WWOX: variants seen among roughly 807,000 people sequenced by gnomAD.
The protein encoded by WWOX is WW domain containing oxidoreductase.
Under a neutral mutation model 46.2 loss-of-function variants are expected in WWOX, and 69 were observed. The observed-to-expected ratio is 1.49, with a 90% CI of 1.23 to 1.82. The LOEUF is 1.82. WWOX is among the 40% of genes most tolerant of loss of function. The pLI, the probability that WWOX is intolerant of heterozygous loss-of-function variation, is 0.00. For missense variants in WWOX, 919 were observed against 542.6 expected (o/e 1.69, Z -6.89); for synonymous variants, 359 against 202.6 (o/e 1.77, Z -6.56).
At chr16:78,654,631 A>G (rs1283571090) in intron 8 of WWOX, among the ~76,000 whole-genome samples, 1 of 151,948 alleles carries the variant, frequency 6.6e-6, no homozygotes, top group East Asian at 1.9e-4. Context: ...CTACCTATCT[A>G]TACCTTTCTC....
chr16:78,853,674 C>A (rs2052502847), intron 8 of WWOX, among the ~76,000 whole-genome samples: 1 of 152,046 alleles, frequency 6.6e-6, no homozygotes, highest in Admixed American at 6.5e-5. Context: ...ATAAATACTT[C>A]TAAAGTAATG....
At chr16:78,706,822 G>A (rs962236593) in intron 8 of WWOX, among the ~76,000 whole-genome samples, 1 of 151,978 alleles carries the variant, frequency 6.6e-6, no homozygotes, top group Non-Finnish European at 1.5e-5. Context: ...TTTGGAGACA[G>A]ATCTCACTTT....
chr16:78,797,171 T>A (rs2050760861), intron 8 of WWOX, among the ~76,000 whole-genome samples: 1 of 152,046 alleles, frequency 6.6e-6, no homozygotes, highest in South Asian at 2.1e-4. Context: ...ACCTGCCCTG[T>A]CTGCCTCATT....
At chr16:78,387,894 C>G (rs986130382) in intron 6 of WWOX, among the ~76,000 whole-genome samples, 1 of 152,034 alleles carries the variant, frequency 6.6e-6, no homozygotes, top group African/African-American at 2.4e-5. Context: ...ATGTGGAGAG[C>G]TCTCATAAAT....
At chr16:78,864,986 C>G (rs1415226828) in intron 8 of WWOX, among the ~76,000 whole-genome samples, 3 of 151,940 alleles carry the variant, frequency 2.0e-5, no homozygotes, top group Admixed American at 2.0e-4. Flanking sequence ...TGGTCTTGAA[C>G]TCCTGACCTC....
intron 8 of WWOX, among the ~76,000 whole-genome samples, chr16:78,544,840 A>G (rs149217786): frequency 0.013 from 2,016 of 152,188 alleles, 21 homozygotes; most frequent in Middle Eastern, 0.068. Context: ...GCTCCACTGC[A>G]CTCTAGCATG....
chr16:78,837,637 T>A (rs1457573522), intron 8 of WWOX, among the ~76,000 whole-genome samples: 4 of 152,192 alleles, frequency 2.6e-5, no homozygotes, highest in Admixed American at 1.3e-4. Flanking sequence ...AGAAACTGTT[T>A]ATTGGTGAAC....
chr16:78,635,795 A>C (rs1337886281), intron 8 of WWOX, among the ~76,000 whole-genome samples: 1 of 152,140 alleles, frequency 6.6e-6, no homozygotes, highest in Admixed American at 6.5e-5. Context: ...ATGTTGGAAA[A>C]ACAGCTAGTG....
intron 8 of WWOX, among the ~76,000 whole-genome samples, chr16:78,668,915 C>T (rs780145328): frequency 2.6e-5 from 4 of 152,024 alleles, no homozygotes; most frequent in Non-Finnish European, 4.4e-5. Flanking sequence ...ATAGGGTATG[C>T]GAACCTCTTC....
chr16:79,190,033 T>G (rs1004036597), intron 8 of WWOX, among the ~76,000 whole-genome samples: 1 of 152,092 alleles, frequency 6.6e-6, no homozygotes, highest in Middle Eastern at 3.2e-3. Context: ...GTTTTTTAAT[T>G]ATTATTATTA....
intron 8 of WWOX, among the ~76,000 whole-genome samples, chr16:79,120,536 G>A (rs2049608047): frequency 6.6e-6 from 1 of 152,154 alleles, no homozygotes; most frequent in Non-Finnish European, 1.5e-5. Flanking sequence ...TGTAATAACG[G>A]CAAACTGAGT....
At chr16:78,502,205 A>G (rs759640177) in intron 8 of WWOX, among the ~76,000 whole-genome samples, 7 of 152,148 alleles carry the variant, frequency 4.6e-5, no homozygotes, top group Admixed American at 1.3e-4. Flanking sequence ...TAATGTGCCT[A>G]CCATATAATT....
At chr16:78,358,351 T>C (rs1267205239) in intron 5 of WWOX, among the ~76,000 whole-genome samples, 1 of 152,182 alleles carries the variant, frequency 6.6e-6, no homozygotes, top group East Asian at 1.9e-4. Context: ...AGTAATAAAG[T>C]CAATGTTGTA....
chr16:78,846,414 A>G (rs530119663), intron 8 of WWOX, among the ~76,000 whole-genome samples: 1 of 152,054 alleles, frequency 6.6e-6, no homozygotes, highest in Admixed American at 6.5e-5. Flanking sequence ...CTGGTCTGGG[A>G]CAGTTTCTCA....
chr16:78,433,003 T>A (rs1294352802), intron 8 of WWOX, among the ~76,000 whole-genome samples: 1 of 143,884 alleles, frequency 7.0e-6, no homozygotes, highest in African/African-American at 2.8e-5. Context: ...AAAGTCCTTA[T>A]GGAAATGGTG....
chr16:78,336,638 A>G (rs2080895735), intron 5 of WWOX, among the ~76,000 whole-genome samples: 1 of 152,074 alleles, frequency 6.6e-6, no homozygotes, highest in East Asian at 1.9e-4. Context: ...TTGGGAGGTA[A>G]GGACTTCTTA....
intron 8 of WWOX, among the ~76,000 whole-genome samples, chr16:78,886,038 C>T (rs1021632931): frequency 2.0e-5 from 3 of 151,680 alleles, no homozygotes; most frequent in African/African-American, 7.3e-5. Context: ...AATTCTCCCA[C>T]CTCAGCATCC....
intron 8 of WWOX, among the ~76,000 whole-genome samples, chr16:78,967,819 G>C (rs2046390969): frequency 6.6e-6 from 1 of 152,114 alleles, no homozygotes; most frequent in Non-Finnish European, 1.5e-5. Flanking sequence ...GGAGAGGCAG[G>C]ATGGGAGAGG....
At chr16:78,510,806 C>A (rs1172364917) in intron 8 of WWOX, among the ~76,000 whole-genome samples, 1 of 152,158 alleles carries the variant, frequency 6.6e-6, no homozygotes. Flanking sequence ...AAACATTTAC[C>A]ACAGCAGTGG....
Sources: allele counts gnomAD v4.1 joint callset (sites outside exome capture counted in the v4.1 genomes callset), GRCh38; gene constraint gnomAD v4.1.1; transcripts MANE v1.5; gene names NCBI Gene and HGNC (gene_info 2026-07-23, HGNC 2026-07-21).